HERC5: variants seen among roughly 807,000 people sequenced by gnomAD.
The protein encoded by HERC5 is E3 ISG15--protein ligase HERC5.
Under a neutral mutation model 119.6 loss-of-function variants are expected in HERC5, and 99 were observed. The ratio of observed to expected loss-of-function variants is 0.83; its 90% CI spans 0.70 to 0.98. The LOEUF (loss-of-function observed/expected upper bound fraction) is 0.98, where lower values mean the gene tolerates loss of function less well. HERC5 is among the 50% of genes least tolerant of loss of function. The pLI, the probability that HERC5 is intolerant of heterozygous loss-of-function variation, is 0.00. For missense variants in HERC5, 1,267 were observed against 1,241.3 expected (o/e 1.02, Z -0.31); for synonymous variants, 478 against 445.9 (o/e 1.07, Z -0.91).
intron 7 of HERC5, among the ~76,000 whole-genome samples, chr4:88,467,672 G>A (rs761745897): frequency 1.3e-5 from 2 of 152,196 alleles, no homozygotes; most frequent in Non-Finnish European, 2.9e-5. Context: ...CCTGGGAGGT[G>A]TATTCTGTCA....
chr4:88,457,787 T>C (rs1043219968), intron 1 of HERC5: 2 of 681,246 alleles, frequency 2.9e-6, no homozygotes, highest in African/African-American at 1.9e-5. Context: ...GTGCGGGGCA[T>C]GCGGGCACCG....
intron 13 of HERC5, among the ~76,000 whole-genome samples, chr4:88,481,440 A>G (rs1741273968): frequency 6.6e-6 from 1 of 152,144 alleles, no homozygotes; most frequent in Admixed American, 6.5e-5. Context: ...CAAATATTTT[A>G]TCCCAGTTAT....
intron 13 of HERC5, 122 bp downstream of exon 13, chr4:88,479,629 TTAATTTTTTTTTAAAATTACATCA>T: frequency 1.6e-6 from 1 of 622,034 alleles, no homozygotes; most frequent in Non-Finnish European, 2.5e-6. Flanking sequence ...TGCTATTTTT[TTAATTTTTTTTTAAAATTACATCA>T]TACATATAAA....
chr4:88,472,297 G>A, intron 10 of HERC5, 112 bp from the exon 11 acceptor site: 1 of 678,884 alleles, frequency 1.5e-6, no homozygotes, highest in Non-Finnish European at 2.6e-6. Context: ...ATTTATTATA[G>A]TTACACACTT....
intron 18 of HERC5, among the ~76,000 whole-genome samples, chr4:88,495,564 A>T (rs1046015985): frequency 1.3e-4 from 19 of 151,606 alleles, no homozygotes; most frequent in African/African-American, 4.4e-4. Context: ...TGTCTCAATT[A>T]AAAAAAAAGA....
intron 6 of HERC5, among the ~76,000 whole-genome samples, chr4:88,464,629 C>T (rs1740583125): frequency 1.3e-5 from 2 of 151,118 alleles, no homozygotes; most frequent in South Asian, 4.2e-4. Flanking sequence ...TGCTTTGTTG[C>T]CCAGGCTGGA....
At chr4:88,469,919 T>C (rs902784637) in intron 9 of HERC5, among the ~76,000 whole-genome samples, 1 of 152,186 alleles carries the variant, frequency 6.6e-6, no homozygotes, top group Non-Finnish European at 1.5e-5. Flanking sequence ...TGTGACTCTC[T>C]GGCCAGAAAA....
At position 88,479,403 on chromosome 4, in the gene HERC5, A is replaced by G; in HGVS notation, c.1633A>G (p.Met545Val). The change falls in exon 13 of 23, where the codon ATG (methionine) becomes GTG (valine). Residue 545 changes from methionine (M) to valine (V), a missense_variant. By Grantham distance (21) the Met-to-Val change is conservative. Coordinates refer to ENST00000264350, the MANE Select transcript of HERC5 (RefSeq NM_016323.4). ...QESTFSKLVQMFKTAVICQLD... is the reference protein window; with the variant it reads ...QESTFSKLVQVFKTAVICQLD... ...ATCCACTTTCAGCAAACTGGTCCAG[A>G]TGTTTAAAACAGCCGTCATATGCCA... The G allele has an allele frequency of 6.2e-7, 1 of 1,613,348 alleles. No individual in the cohort carries two copies. The highest frequency in any genetic ancestry group is 8.5e-7 in the Non-Finnish European group (1 of 1,179,760).
intron 14 of HERC5, 72 bp from the exon 15 acceptor site, chr4:88,486,997 A>T: frequency 1.0e-6 from 1 of 990,670 alleles, no homozygotes; most frequent in Non-Finnish European, 1.5e-6. Context: ...TCAGGGATGT[A>T]AGGCTATGAG....
chr4:88,469,986 C>T (rs17014153), intron 9 of HERC5, among the ~76,000 whole-genome samples: 1 of 152,138 alleles, frequency 6.6e-6, no homozygotes, highest in East Asian at 1.9e-4. Context: ...GTTTGTGTAC[C>T]TGTTATTCTT....
At chr4:88,459,684 G>A (rs534582734) in intron 2 of HERC5, among the ~76,000 whole-genome samples, 2 of 152,152 alleles carry the variant, frequency 1.3e-5, no homozygotes, top group South Asian at 2.1e-4. Flanking sequence ...AGTCTGCCTA[G>A]CCCTAAATTG....
intron 18 of HERC5, among the ~76,000 whole-genome samples, chr4:88,495,906 AT>A (rs1409174295): frequency 3.3e-5 from 5 of 152,228 alleles, no homozygotes; most frequent in Non-Finnish European, 7.3e-5. Context: ...TTAAATTTGT[AT>A]CATTGTTTCT....
chr4:88,487,407 A>G (rs1741503133), intron 15 of HERC5, among the ~76,000 whole-genome samples: 1 of 152,160 alleles, frequency 6.6e-6, no homozygotes, highest in South Asian at 2.1e-4. Context: ...AGCTTGGACA[A>G]CTGGCCTAGT....
chr4:88,487,987 T>TA (rs1321742403), intron 15 of HERC5, among the ~76,000 whole-genome samples: 1 of 152,174 alleles, frequency 6.6e-6, no homozygotes, highest in Non-Finnish European at 1.5e-5. Context: ...TATATGTCCT[T>TA]AAAGCAGATA....
In HERC5 at chr4:88,493,033, G is replaced by C; in HGVS notation, c.2155G>C (p.Gly719Arg). The change falls in exon 17 of 23, where the codon GGG becomes CGG. Residue 719 changes from glycine (G) to arginine (R), a missense_variant. Around this residue, in one of 3 missense-constraint regions of HERC5, gnomAD observed 473 missense variants for 445.7 expected, o/e 1.06. Transcript: ENST00000264350. ...ELWVSFSGEI[G>R]YDLGGVKKEF... ...TCAGGTTTCATTTAGTGGAGAAATT[G>C]GGTATGACCTCGGAGGAGTCAAGAA... is the stretch of plus-strand genomic sequence containing the variant. 6.2e-7 allele frequency: 1 copy of C among 1,613,796 alleles called. No individual in the cohort carries two copies. Among genetic ancestry groups the C allele is most frequent in the South Asian group, 1.1e-5 (1 of 91,044 alleles).
chr4:88,465,755 C>G (rs1560599637), intron 6 of HERC5, among the ~76,000 whole-genome samples: 1 of 152,162 alleles, frequency 6.6e-6, no homozygotes, highest in Non-Finnish European at 1.5e-5. Flanking sequence ...CTATTATGCT[C>G]ATAGTCACAT....
intron 18 of HERC5, among the ~76,000 whole-genome samples, chr4:88,495,724 G>A (rs1235265026): frequency 6.6e-6 from 1 of 151,710 alleles, no homozygotes; most frequent in African/African-American, 2.4e-5. Context: ...TCTATTAATC[G>A]TTTATACTAA....
At chr4:88,460,296 C>T (rs1377025630) in intron 3 of HERC5, 125 bp downstream of exon 3, 8 of 474,052 alleles carry the variant, frequency 1.7e-5, no homozygotes, top group East Asian at 3.5e-5. Context: ...GATATGGTTC[C>T]GAGTACGATT....
chr4:88,488,672 T>C (rs892229262), intron 15 of HERC5, among the ~76,000 whole-genome samples: 14 of 152,056 alleles, frequency 9.2e-5, no homozygotes, highest in African/African-American at 3.4e-4. Context: ...CCTTAAAATC[T>C]CTTGTCTTGG....
Sources: gnomAD v4.1 joint callset for allele counts (sites outside exome capture counted in the v4.1 genomes callset) on GRCh38, gnomAD v4.1.1 for gene constraint, gnomAD v4.1.1 regional missense constraint, MANE v1.5 for transcripts, NCBI Gene and HGNC (gene_info 2026-07-23, HGNC 2026-07-21) for gene names.